Variants in FSHR observed in about 807,000 individuals in gnomAD.
The protein encoded by FSHR is follicle stimulating hormone receptor, also known as follicle-stimulating hormone receptor.
A neutral mutation model predicts 52.1 loss-of-function variants in FSHR; 46 were observed. That is an observed-to-expected ratio of 0.88 (90% confidence interval 0.70 to 1.13). The LOEUF (loss-of-function observed/expected upper bound fraction) is 1.13. Among genes scored for constraint, FSHR ranks in the 50% most tolerant of loss-of-function variants. FSHR has a pLI of 0.00. For synonymous variants in FSHR, 399 were observed against 309.6 expected (o/e 1.29, Z -3.03); for missense variants, 964 against 834.6 (o/e 1.16, Z -1.91).
At chr2:48,966,163 G>C (rs1413203646) in intron 9 of FSHR, among the ~76,000 whole-genome samples, 2 of 152,196 alleles carry the variant, frequency 1.3e-5, no homozygotes, top group Non-Finnish European at 2.9e-5. Context: ...TAAAGATACA[G>C]AGTATTACAG....
At chr2:49,120,765 G>A (rs1231985710) in intron 1 of FSHR, among the ~76,000 whole-genome samples, 1 of 152,198 alleles carries the variant, frequency 6.6e-6, no homozygotes, top group Admixed American at 6.5e-5. Context: ...CCAGCTCTTT[G>A]AAAAGTTGTT....
intron 1 of FSHR, among the ~76,000 whole-genome samples, chr2:49,075,768 C>A (rs1345307496): frequency 6.6e-6 from 1 of 152,028 alleles, no homozygotes. Flanking sequence ...GCTGAGACTG[C>A]AGGCATGCAC....
chr2:49,067,105 C>G (rs1475429318), intron 2 of FSHR, among the ~76,000 whole-genome samples: 1 of 152,034 alleles, frequency 6.6e-6, no homozygotes, highest in Non-Finnish European at 1.5e-5. Flanking sequence ...ACGTAAGCCC[C>G]TTTTTAAAAC....
At chr2:49,072,751 T>C (rs1361384055) in intron 1 of FSHR, among the ~76,000 whole-genome samples, 2 of 152,148 alleles carry the variant, frequency 1.3e-5, no homozygotes, top group Admixed American at 6.6e-5. Context: ...TAAGGAGCTT[T>C]CTACTAGTAG....
At chr2:49,015,586 T>C (rs1319614078) in intron 4 of FSHR, among the ~76,000 whole-genome samples, 1 of 152,158 alleles carries the variant, frequency 6.6e-6, no homozygotes, top group Non-Finnish European at 1.5e-5. Flanking sequence ...ACCTAGACTT[T>C]CTGATTCTGA....
chr2:49,086,754 C>T (rs188038636), intron 1 of FSHR, among the ~76,000 whole-genome samples: 132 of 152,320 alleles, frequency 8.7e-4, no homozygotes, highest in Non-Finnish European at 1.5e-3. Context: ...GATTCTCCCA[C>T]CTCAGCCTCC....
intron 4 of FSHR, among the ~76,000 whole-genome samples, chr2:49,007,339 T>A (rs1667108215): frequency 6.6e-6 from 1 of 152,166 alleles, no homozygotes; most frequent in Admixed American, 6.6e-5. Context: ...TCCCTCCTAC[T>A]GTGTGGATTG....
chr2:49,146,162 G>A (rs972173524), intron 1 of FSHR, among the ~76,000 whole-genome samples: 6 of 152,078 alleles, frequency 3.9e-5, no homozygotes, highest in Non-Finnish European at 7.4e-5. Flanking sequence ...AAGATGGAAA[G>A]CTCAAAGACC....
intron 1 of FSHR, among the ~76,000 whole-genome samples, chr2:49,140,384 C>T (rs1415671280): frequency 6.6e-6 from 1 of 151,982 alleles, no homozygotes; most frequent in East Asian, 1.9e-4. Flanking sequence ...TGTTTTCTGT[C>T]ATGAGTAAAA....
At chr2:49,020,918 A>G (rs896162511) in intron 2 of FSHR, among the ~76,000 whole-genome samples, 2 of 152,238 alleles carry the variant, frequency 1.3e-5, no homozygotes, top group African/African-American at 4.8e-5. Context: ...GAGGGGAACA[A>G]CACACACTGG....
chr2:48,981,063 G>C (rs1373007421), intron 8 of FSHR, among the ~76,000 whole-genome samples: 1 of 152,148 alleles, frequency 6.6e-6, no homozygotes, highest in Non-Finnish European at 1.5e-5. Flanking sequence ...GACATCAAAA[G>C]TACTTGTCAA....
chr2:49,024,016 T>C (rs992837434), intron 2 of FSHR, among the ~76,000 whole-genome samples: 2 of 152,176 alleles, frequency 1.3e-5, no homozygotes, highest in Non-Finnish European at 2.9e-5. Context: ...TGCTCCAGCA[T>C]GAAATTTCAA....
At chr2:49,143,572 A>G (rs1469652499) in intron 1 of FSHR, among the ~76,000 whole-genome samples, 2 of 152,128 alleles carry the variant, frequency 1.3e-5, no homozygotes. Flanking sequence ...ATAAACAACT[A>G]TTTGTTTCCT....
At chr2:49,023,689 G>A (rs1320896465) in intron 2 of FSHR, among the ~76,000 whole-genome samples, 1 of 152,142 alleles carries the variant, frequency 6.6e-6, no homozygotes, top group Non-Finnish European at 1.5e-5. Flanking sequence ...TCCTTGAATT[G>A]ACAAAACACC....
chr2:49,075,042 T>C (rs982028169), intron 1 of FSHR, among the ~76,000 whole-genome samples: 1 of 152,026 alleles, frequency 6.6e-6, no homozygotes, highest in African/African-American at 2.4e-5. Context: ...GGGAAGGGTA[T>C]GGGGACGAGA....
At chr2:49,145,756 T>G (rs1205553566) in intron 1 of FSHR, among the ~76,000 whole-genome samples, 1 of 152,078 alleles carries the variant, frequency 6.6e-6, no homozygotes, top group Non-Finnish European at 1.5e-5. Context: ...CTATTGATTG[T>G]TTTCTCTCCA....
chr2:49,151,763 T>C (rs1318259747), intron 1 of FSHR, among the ~76,000 whole-genome samples: 1 of 152,126 alleles, frequency 6.6e-6, no homozygotes, highest in Non-Finnish European at 1.5e-5. Flanking sequence ...TAGAGATACT[T>C]AGTTGAACAG....
intron 8 of FSHR, 139 bp from the exon 9 acceptor site, chr2:48,969,022 C>T: frequency 2.5e-6 from 2 of 788,276 alleles, no homozygotes; most frequent in African/African-American, 1.7e-5. Flanking sequence ...TCCAACACAC[C>T]TTGGCCAGAT....
At chr2:49,018,088 A>T (rs974504636) in intron 3 of FSHR, among the ~76,000 whole-genome samples, 1 of 152,192 alleles carries the variant, frequency 6.6e-6, no homozygotes, top group African/African-American at 2.4e-5. Context: ...AAGAGAGTGA[A>T]ATGGCAAAGA....
Sources: allele counts gnomAD v4.1 joint callset (sites outside exome capture counted in the v4.1 genomes callset), GRCh38; gene constraint gnomAD v4.1.1; transcripts MANE v1.5; gene names NCBI Gene and HGNC (gene_info 2026-07-23, HGNC 2026-07-21).